Variants in SGSM2 observed in about 807,000 individuals in gnomAD.
SGSM2 encodes RUN and TBC1 domain containing 1.
In SGSM2, 89 loss-of-function variants were observed where a neutral mutation model predicts 126.6. That is an observed-to-expected ratio of 0.70 (90% CI 0.59 to 0.84). The LOEUF (loss-of-function observed/expected upper bound fraction) is 0.84. Among genes scored for constraint, SGSM2 ranks in the 40% least tolerant of loss-of-function variants. The pLI, the probability that SGSM2 is intolerant of heterozygous loss-of-function variation, is 0.00. For synonymous variants in SGSM2, 614 were observed against 574.3 expected (o/e 1.07, Z -0.99); for missense variants, 1,404 against 1,416.6 (o/e 0.99, Z 0.14).
intron 9 of SGSM2, 26 bp downstream of exon 9, chr17:2,364,689 G>A (rs2065473575): frequency 1.2e-6 from 2 of 1,613,774 alleles, no homozygotes; most frequent in Non-Finnish European, 8.5e-7. Context: ...CCTCGGCTCG[G>A]GTGGGAAGGG....
At position 2,380,688 on chromosome 17, in the gene SGSM2, C is replaced by T. The variant is rs1386753813; in HGVS notation, c.*1168C>T. ...ACTTCCTCCTCTACCCCAACACATG[C>T]AGGCTAGGCCTTGCCCTGGAACATG... is the stretch of plus-strand genomic sequence containing the variant. On this transcript the variant is annotated 3_prime_UTR_variant, in exon 24 of 24. Transcript: ENST00000268989. 9 of 296,052 alleles carry T rather than the reference C, an allele frequency of 3.0e-5. No individual in the cohort carries two copies. The highest frequency in any genetic ancestry group is 4.4e-5 in the African/African-American group (2 of 45,450). The allele number at this position is 296,052 out of a possible 1,614,324, so 18.3% of individuals were successfully genotyped here. A position where few individuals can be genotyped will look rare whatever the true frequency, so the allele number is the denominator to read the frequency against.
intron 2 of SGSM2, among the ~76,000 whole-genome samples, chr17:2,345,322 C>T (rs559995299): frequency 5.3e-5 from 8 of 151,734 alleles, no homozygotes; most frequent in South Asian, 2.1e-4. Flanking sequence ...ATTAGCAGGG[C>T]GTGGTGGCGG....
At position 2,380,114 on chromosome 17, in the gene SGSM2, G is replaced by A; in HGVS notation, c.*594G>A. ...AGATTCTGGGGCAGTCGGAAGATGT[G>A]GGCCCTGGGTGGGAGCAGCCCACTT... is the stretch of plus-strand genomic sequence containing the variant. On this transcript the variant is annotated 3_prime_UTR_variant, in exon 24 of 24. Coordinates refer to ENST00000268989, the MANE Select transcript of SGSM2 (RefSeq NM_014853.3). 1 of 1,400,198 alleles carries A rather than the reference G, an allele frequency of 7.1e-7. No individual in the cohort carries two copies. Among genetic ancestry groups the A allele is most frequent in the South Asian group, 1.6e-5 (1 of 62,438 alleles). 86.7% of individuals were successfully genotyped at this position (1,400,198 alleles called of 1,614,324 possible). A position where few individuals can be genotyped will look rare whatever the true frequency, so the allele number is the denominator to read the frequency against.
chr17:2,349,825 T>C (rs913470359), intron 2 of SGSM2, among the ~76,000 whole-genome samples: 3 of 151,444 alleles, frequency 2.0e-5, no homozygotes, highest in Non-Finnish European at 2.9e-5. Flanking sequence ...TCTCCCTCTG[T>C]CGCCCAGGCT....
chr17:2,366,318 T>C (rs776216917), intron 11 of SGSM2, among the ~76,000 whole-genome samples: 4 of 152,346 alleles, frequency 2.6e-5, no homozygotes, highest in Admixed American at 6.5e-5. Context: ...AGAGTGCTGC[T>C]GCTGCCCATA....
intron 2 of SGSM2, among the ~76,000 whole-genome samples, chr17:2,354,837 G>A (rs1474838869): frequency 1.3e-5 from 2 of 152,084 alleles, no homozygotes; most frequent in Admixed American, 6.6e-5. Context: ...AGTGTGTAAG[G>A]GTTGGGGGCA....
Position 2,380,533 on chromosome 17 carries a change from C to T in SGSM2, c.*1013C>T. The T allele has an allele frequency of 1.7e-6, 1 of 585,808 alleles. No individual in the cohort carries two copies. Among genetic ancestry groups the T allele is most frequent in the Non-Finnish European group, 3.0e-6 (1 of 327,908 alleles). 36.3% of individuals were successfully genotyped at this position (585,808 alleles called of 1,614,324 possible). ...GAAGCAAGGCTAGCTCTGCCTTCCA[C>T]ATGCTTCTCAGGATGCCAAGAGGCC... On this transcript the variant is annotated 3_prime_UTR_variant, in exon 24 of 24. Coordinates refer to ENST00000268989, the MANE Select transcript of SGSM2 (RefSeq NM_014853.3).
intron 17 of SGSM2, chr17:2,375,039 T>TC (rs1489466572): frequency 6.4e-6 from 1 of 155,386 alleles, no homozygotes; most frequent in Non-Finnish European, 1.4e-5. Context: ...TCCTGTCTTG[T>TC]CCTGCTGAAC....
intron 2 of SGSM2, among the ~76,000 whole-genome samples, chr17:2,350,967 C>T (rs545590238): frequency 9.2e-5 from 14 of 151,960 alleles, no homozygotes; most frequent in African/African-American, 2.7e-4. Context: ...GAGAGGAGCC[C>T]GTGGGCTGGG....
intron 1 of SGSM2, among the ~76,000 whole-genome samples, chr17:2,338,561 C>T (rs571169330): frequency 6.6e-6 from 1 of 152,174 alleles, no homozygotes; most frequent in South Asian, 2.1e-4. Flanking sequence ...TGGCTGTTGT[C>T]TGCCTGGTAA....
rs573436430 is a variant in SGSM2 at position 2,370,230 on chromosome 17, CCCT to C, written c.1424-1029_1424-1027del. 1.6e-4 allele frequency among the ~76,000 whole-genome samples: 24 copies of C among 152,360 alleles called. No homozygotes were observed. The East Asian group carries it at 4.6e-3, about 29-fold the overall frequency. ...TCTTCCGAACTCTTCTCCACTCTCT[CCCT>C]CCCTCCCGGCATCACCCCCCAGTGC... On this transcript the variant is annotated intron_variant, in intron 12 of 23. Transcript: ENST00000268989.
At chr17:2,358,946 C>T (rs1437481814) in intron 2 of SGSM2, among the ~76,000 whole-genome samples, 1 of 147,742 alleles carries the variant, frequency 6.8e-6, no homozygotes, top group African/African-American at 2.5e-5. Flanking sequence ...GGCGCCATCT[C>T]GGCTCACTGC....
chr17:2,337,674 G>A lies in SGSM2; in HGVS notation c.-15G>A, dbSNP rs1567790353. The A allele has an allele frequency of 1.4e-6, 2 of 1,467,846 alleles. No individual in the cohort carries two copies. The highest frequency in any genetic ancestry group is 2.2e-5 in the Admixed American group (1 of 46,208). 90.9% of individuals were successfully genotyped at this position (1,467,846 alleles called of 1,614,324 possible). On this transcript the variant is annotated 5_prime_UTR_variant, in exon 1 of 24. Coordinates refer to ENST00000268989, the MANE Select transcript of SGSM2 (RefSeq NM_014853.3). This position sits in a 1 kb window ranked among gnomAD's most constrained non-coding sequence, Gnocchi z 5.1. ...GGGGCTCTGAGGACCGCTCGGCGCC[G>A]CCTCCTGCCACACCATGGGCAGCGC...
rs766607849 is a variant in SGSM2 at position 2,362,168 on chromosome 17, C to A, written c.356C>A (p.Ala119Asp). Residue 119 changes from alanine (A) to aspartate (D), a missense_variant, in exon 4 of 24, where the codon GCC (alanine) becomes GAC (aspartate). Physicochemically the swap from Ala to Asp is moderately radical, Grantham distance 126. Coordinates refer to ENST00000268989, the MANE Select transcript of SGSM2 (RefSeq NM_014853.3). This position sits in a 1 kb window ranked among gnomAD's most constrained non-coding sequence, Gnocchi z 4.9. ...LRRQGSASGK[A>D]PALSPQALKH... ...AGACAGGGCTCAGCCAGCGGGAAGG[C>A]CCCGGCCCTCAGCCCTCAGGCCTTG... 1 of 1,613,906 alleles carries A rather than the reference C, an allele frequency of 6.2e-7. No individual in the cohort carries two copies. Among genetic ancestry groups the A allele is most frequent in the African/African-American group, 1.3e-5 (1 of 75,066 alleles).
At chr17:2,371,695 G>A (rs61490447) in intron 13 of SGSM2, 69,877 of 442,806 alleles carry the variant, frequency 0.16, 9,024 homozygotes, top group African/African-American at 0.49. Flanking sequence ...GAACCCAAGT[G>A]AAGGTCCGGA....
intron 1 of SGSM2, among the ~76,000 whole-genome samples, chr17:2,340,785 C>G (rs535725413): frequency 1.3e-5 from 2 of 152,042 alleles, no homozygotes; most frequent in Non-Finnish European, 2.9e-5. Context: ...GGGGTTTCAC[C>G]ATGTTAGCCA....
intron 22 of SGSM2, 99 bp downstream of exon 22, chr17:2,378,052 C>T (rs1039039825): frequency 1.4e-6 from 1 of 739,056 alleles, no homozygotes; most frequent in Non-Finnish European, 2.3e-6. Context: ...ACCTTGGAAC[C>T]ACCTGGGGAG....
At chr17:2,378,889 A>C in intron 22 of SGSM2, 147 bp from the exon 23 acceptor site, 8 of 930,102 alleles carry the variant, frequency 8.6e-6, no homozygotes, top group Non-Finnish European at 1.3e-5. Context: ...GAGGCCTGTG[A>C]GCAGCCAGTC....
At chr17:2,369,802 G>C (rs561655303) in intron 12 of SGSM2, among the ~76,000 whole-genome samples, 50 of 151,972 alleles carry the variant, frequency 3.3e-4, no homozygotes, top group African/African-American at 1.2e-3. Flanking sequence ...CTGCTGCAGG[G>C]GCCTGAGCTG....
Sources: allele counts gnomAD v4.1 joint callset (sites outside exome capture counted in the v4.1 genomes callset), GRCh38; gene constraint gnomAD v4.1.1; non-coding constraint Gnocchi (gnomAD v3.1); transcripts MANE v1.5; gene names NCBI Gene and HGNC (gene_info 2026-07-23, HGNC 2026-07-21).